Variants in TMEM217B observed in about 807,000 individuals in gnomAD.
TMEM217B encodes the protein transmembrane protein 217B.
At chr6:37,240,655 T>C in the TMEM217B span, among the ~76,000 whole-genome samples, 1 of 152,172 alleles carries the variant, frequency 6.6e-6, no homozygotes, top group Non-Finnish European at 1.5e-5. Flanking sequence ...AGGCCAGGAT[T>C]ATTGAGGCAA....
At chr6:37,220,288 A>G in the TMEM217B span, among the ~76,000 whole-genome samples, 4 of 152,220 alleles carry the variant, frequency 2.6e-5, no homozygotes, top group Non-Finnish European at 4.4e-5. Flanking sequence ...TTATTTGCCA[A>G]TCTAGGCACA....
At chr6:37,220,991 AG>A in the TMEM217B span, among the ~76,000 whole-genome samples, 1 of 152,254 alleles carries the variant, frequency 6.6e-6, no homozygotes, top group East Asian at 1.9e-4. Context: ...ACCATTTTTA[AG>A]TAGACAGTTT....
At chr6:37,232,793 T>G in the TMEM217B span, among the ~76,000 whole-genome samples, 1 of 152,318 alleles carries the variant, frequency 6.6e-6, no homozygotes, top group Non-Finnish European at 1.5e-5. Context: ...AGTTGACCAC[T>G]CCTTATCTCT....
the TMEM217B span, among the ~76,000 whole-genome samples, chr6:37,216,368 T>C: frequency 1.3e-5 from 2 of 152,144 alleles, no homozygotes; most frequent in Admixed American, 6.5e-5. Flanking sequence ...CGTGAGCCCC[T>C]GCGCCTGGCC....
the TMEM217B span, among the ~76,000 whole-genome samples, chr6:37,243,899 C>T: frequency 3.3e-4 from 50 of 152,090 alleles, 1 homozygote; most frequent in Admixed American, 3.1e-3. Context: ...TGCACAGGAC[C>T]GGTTCAGTCA....
the TMEM217B span, among the ~76,000 whole-genome samples, chr6:37,215,992 AGGGTGTGTGTGTGT>A: frequency 1.1e-5 from 1 of 92,570 alleles, no homozygotes; most frequent in East Asian, 3.8e-4. Flanking sequence ...GAGGTTCTTC[AGGGTGTGTGTGTGT>A]GTGTGTGTGT....
At chr6:37,231,688 A>T in the TMEM217B span, among the ~76,000 whole-genome samples, 1 of 148,006 alleles carries the variant, frequency 6.8e-6, no homozygotes, top group African/African-American at 2.5e-5. Flanking sequence ...AAAAAAAAAA[A>T]ATTCAACAGA....
At chr6:37,253,242 C>T in the TMEM217B span, among the ~76,000 whole-genome samples, 354 of 152,250 alleles carry the variant, frequency 2.3e-3, 3 homozygotes, top group African/African-American at 8.3e-3. Context: ...ATAACTTCTT[C>T]TCATGTTTAA....
At chr6:37,253,933 T>C in the TMEM217B span, among the ~76,000 whole-genome samples, 3 of 152,228 alleles carry the variant, frequency 2.0e-5, no homozygotes, top group African/African-American at 7.2e-5. Context: ...GCATATCTCA[T>C]CCCTTAACTA....
the TMEM217B span, among the ~76,000 whole-genome samples, chr6:37,213,362 G>A: frequency 1.3e-5 from 2 of 152,326 alleles, no homozygotes; most frequent in African/African-American, 4.8e-5. Context: ...CTCCCATCTG[G>A]GGAGTTTGCT....
the TMEM217B span, among the ~76,000 whole-genome samples, chr6:37,251,711 G>A: frequency 2.0e-5 from 3 of 152,156 alleles, no homozygotes; most frequent in Non-Finnish European, 2.9e-5. Flanking sequence ...CTGGAGAGAC[G>A]GAGGGGAATG....
At chr6:37,253,943 A>G in the TMEM217B span, among the ~76,000 whole-genome samples, 7 of 152,190 alleles carry the variant, frequency 4.6e-5, no homozygotes, top group African/African-American at 7.2e-5. Flanking sequence ...TCCCTTAACT[A>G]TACTTTGCCA....
the TMEM217B span, among the ~76,000 whole-genome samples, chr6:37,222,344 CG>C: frequency 6.6e-6 from 1 of 152,322 alleles, no homozygotes; most frequent in South Asian, 2.1e-4. Context: ...GACCCCAACC[CG>C]GCTCCGAGAT....
the TMEM217B span, among the ~76,000 whole-genome samples, chr6:37,243,447 C>T: frequency 1.3e-5 from 2 of 152,200 alleles, no homozygotes; most frequent in Non-Finnish European, 2.9e-5. Flanking sequence ...CCAGTGGGTT[C>T]TTCCTGCCTG....
chr6:37,224,618 A>G, the TMEM217B span, among the ~76,000 whole-genome samples: 1 of 149,188 alleles, frequency 6.7e-6, no homozygotes, highest in Non-Finnish European at 1.5e-5. Flanking sequence ...AACAAACGAA[A>G]AAAAAACCTT....
chr6:37,213,062 A>G, the TMEM217B span: 2 of 1,055,868 alleles, frequency 1.9e-6, no homozygotes, highest in Non-Finnish European at 2.7e-6. Flanking sequence ...AAATCCCCCA[A>G]GTCACTAGAT....
At chr6:37,246,565 CCCTGCTGTG>C in the TMEM217B span, among the ~76,000 whole-genome samples, 1 of 152,262 alleles carries the variant, frequency 6.6e-6, no homozygotes, top group Non-Finnish European at 1.5e-5. Context: ...TGGCTTCTGA[CCCTGCTGTG>C]CCATTAGGGT....
chr6:37,230,267 A>G, the TMEM217B span, among the ~76,000 whole-genome samples: 6 of 152,244 alleles, frequency 3.9e-5, no homozygotes, highest in African/African-American at 1.4e-4. Flanking sequence ...CTAATCCAAG[A>G]TAATCTCTTT....
At chr6:37,218,766 G>C in the TMEM217B span, 1 of 1,614,128 alleles carries the variant, frequency 6.2e-7, no homozygotes, top group Non-Finnish European at 8.5e-7. Flanking sequence ...CTGAAGATCT[G>C]GGCATACACT....
Sources: allele counts gnomAD v4.1 joint callset (sites outside exome capture counted in the v4.1 genomes callset), GRCh38; gene constraint gnomAD v4.1.1; transcripts MANE v1.5; gene names NCBI Gene and HGNC (gene_info 2026-07-23, HGNC 2026-07-21).